USO1: variants seen among roughly 807,000 people sequenced by gnomAD.
USO1 encodes USO1 vesicle transport factor.
Under a neutral mutation model 124.5 loss-of-function variants are expected in USO1, and 57 were observed. The observed-to-expected ratio is 0.46, with a 90% CI of 0.37 to 0.57. The LOEUF is 0.57. USO1 is among the 20% of genes least tolerant of loss of function. The pLI is 0.00. For synonymous variants in USO1, 369 were observed against 362.8 expected, an observed-to-expected ratio of 1.02 and a Z score of -0.19; for missense variants, 900 against 1,040.6, an observed-to-expected ratio of 0.86 and a Z score of 1.86.
chr4:75,793,555 A>G lies in USO1; in HGVS notation c.1241-135A>G. On this transcript the variant is annotated intron_variant, in intron 12 of 23. Coordinates refer to ENST00000514213, the MANE Select transcript of USO1 (RefSeq NM_003715.4). Reference sequence around the variant, plus strand: ...TCATTTTGAAAGTATATTTAATACTACTCATTAATACATGTTTAATGATTA... The same window carrying G: ...TCATTTTGAAAGTATATTTAATACTGCTCATTAATACATGTTTAATGATTA... 2.6e-6 allele frequency: 3 copies of G among 1,168,050 alleles called. No individual in the cohort carries two copies. The South Asian group carries it at 4.9e-5, about 19-fold the overall frequency. The allele number at this position is 1,168,050 out of a possible 1,614,324, so 72.4% of individuals were successfully genotyped here.
chr4:75,790,864 T>C, intron 12 of USO1, 67 bp downstream of exon 12: 1 of 1,434,840 alleles, frequency 7.0e-7, no homozygotes, highest in Non-Finnish European at 9.1e-7. Context: ...TTTAATTGAT[T>C]CTTTCTTTTT....
At chr4:75,740,578 C>T (rs1371528632) in intron 1 of USO1, among the ~76,000 whole-genome samples, 1 of 152,170 alleles carries the variant, frequency 6.6e-6, no homozygotes, top group Admixed American at 6.6e-5. Context: ...TGAGCTACTG[C>T]GCCTGGCCTA....
At chr4:75,758,791 G>A (rs954571151) in intron 4 of USO1, among the ~76,000 whole-genome samples, 2 of 151,822 alleles carry the variant, frequency 1.3e-5, no homozygotes, top group African/African-American at 4.8e-5. Context: ...ATTTCTTAAG[G>A]GTGAAAAATA....
chr4:75,725,041 A>T, intron 1 of USO1, 156 bp downstream of exon 1: 3 of 784,358 alleles, frequency 3.8e-6, no homozygotes, highest in South Asian at 3.6e-5. Context: ...CTGAAATCCC[A>T]GAGTTATTCA....
chr4:75,740,874 G>T (rs978694039), intron 1 of USO1, among the ~76,000 whole-genome samples: 22 of 152,098 alleles, frequency 1.4e-4, no homozygotes, highest in African/African-American at 3.9e-4. Flanking sequence ...CGCATCACTC[G>T]AAGTAATCTC....
chr4:75,742,260 T>C (rs1228662240), intron 1 of USO1, among the ~76,000 whole-genome samples: 1 of 152,196 alleles, frequency 6.6e-6, no homozygotes. Flanking sequence ...AGCCTGGCAG[T>C]GCAGTGGGTT....
In USO1 at chr4:75,799,559, G is replaced by A. The variant is rs1722782064; in HGVS notation, c.1453-63G>A. The A allele has an allele frequency of 1.3e-5, 20 of 1,576,844 alleles. 1 individual carries two copies. In the South Asian group the frequency reaches 1.9e-4, roughly 15 times the overall value. ...TCATGCAAATGGAAGGGATCTTAGGGCAACTTTAAGTTTGAAAAATATAAA... is the reference window on the plus strand; with the variant it reads ...TCATGCAAATGGAAGGGATCTTAGGACAACTTTAAGTTTGAAAAATATAAA... On this transcript the variant is annotated intron_variant, in intron 13 of 23. Transcript: ENST00000514213.
intron 3 of USO1, chr4:75,755,472 T>C (rs1303461497): frequency 1.9e-6 from 1 of 519,936 alleles, no homozygotes; most frequent in Non-Finnish European, 3.8e-6. Context: ...TTCATGTTTC[T>C]CAAACAAAGC....
intron 8 of USO1, 118 bp downstream of exon 8, chr4:75,774,914 T>C (rs894911208): frequency 9.7e-5 from 134 of 1,375,986 alleles, no homozygotes; most frequent in Non-Finnish European, 1.2e-4. Context: ...TTGTTTTTCT[T>C]TCACTATGGC....
intron 7 of USO1, among the ~76,000 whole-genome samples, chr4:75,771,965 G>A (rs1378569589): frequency 2.0e-5 from 3 of 152,118 alleles, no homozygotes; most frequent in African/African-American, 7.2e-5. Context: ...CAGAAACCAA[G>A]TAAAGTTAAG....
intron 7 of USO1, among the ~76,000 whole-genome samples, chr4:75,774,245 C>G (rs1335297329): frequency 6.6e-6 from 1 of 152,154 alleles, no homozygotes; most frequent in Non-Finnish European, 1.5e-5. Flanking sequence ...TGAACTTTCT[C>G]TACTAGACTG....
rs564920226 is a variant in USO1 at position 75,755,899 on chromosome 4, G to A, written c.219-1598G>A. ...AGTAGAACAGGAAAAGGCTGGGCAC[G>A]GTGGCTCATGCCTGTAATCCCAGCA... On this transcript the variant is annotated intron_variant, in intron 3 of 23. Transcript: ENST00000514213. Among the ~76,000 whole-genome samples the A allele has an allele frequency of 1.4e-4, 22 of 152,186 alleles. No individual in the cohort carries two copies. In the South Asian group the frequency reaches 2.3e-3, roughly 16 times the overall value.
chr4:75,780,640 CTTTTTTTT>C (rs71210204), intron 8 of USO1, among the ~76,000 whole-genome samples: 4 of 59,138 alleles, frequency 6.8e-5, no homozygotes, highest in Admixed American at 3.2e-4. Flanking sequence ...TAAATTTTGA[CTTTTTTTT>C]TTTTTTTTTT....
chr4:75,747,188 A>G (rs1160885805), intron 1 of USO1, among the ~76,000 whole-genome samples: 1 of 152,250 alleles, frequency 6.6e-6, no homozygotes, highest in African/African-American at 2.4e-5. Context: ...ATCAGAAATC[A>G]TTAAAATGAA....
intron 4 of USO1, among the ~76,000 whole-genome samples, chr4:75,763,284 G>T (rs982578327): frequency 6.6e-6 from 1 of 152,122 alleles, no homozygotes; most frequent in Non-Finnish European, 1.5e-5. Flanking sequence ...ACGATTTTTT[G>T]ATTTACGATG....
chr4:75,777,893 A>G (rs1195201365), intron 8 of USO1, among the ~76,000 whole-genome samples: 1 of 152,218 alleles, frequency 6.6e-6, no homozygotes, highest in African/African-American at 2.4e-5. Context: ...GAATATTAAA[A>G]CACCTTTGTT....
chr4:75,774,544 T>C (rs1722019125), intron 7 of USO1, 132 bp from the exon 8 acceptor site: 2 of 1,058,664 alleles, frequency 1.9e-6, no homozygotes, highest in Non-Finnish European at 2.6e-6. Flanking sequence ...GTTCTTGTTT[T>C]CCTTATGTAT....
At chr4:75,787,269 T>C in intron 10 of USO1, 67 bp downstream of exon 10, 1 of 1,369,330 alleles carries the variant, frequency 7.3e-7, no homozygotes. Flanking sequence ...AAGAATTAGA[T>C]ATTTGTTGAA....
intron 1 of USO1, among the ~76,000 whole-genome samples, chr4:75,742,598 G>C (rs1213328583): frequency 6.6e-6 from 1 of 152,198 alleles, no homozygotes; most frequent in Non-Finnish European, 1.5e-5. Context: ...TTCAAGTACA[G>C]AATGGTTGAA....
Sources: gnomAD v4.1 joint callset for allele counts (sites outside exome capture counted in the v4.1 genomes callset) on GRCh38, gnomAD v4.1.1 for gene constraint, MANE v1.5 for transcripts, NCBI Gene and HGNC (gene_info 2026-07-23, HGNC 2026-07-21) for gene names.